Variants in ADARB1 observed in about 807,000 individuals in gnomAD.
ADARB1 encodes adenosine deaminase RNA specific B1.
In ADARB1, 10 loss-of-function variants were observed where a neutral mutation model predicts 52.4. The observed-to-expected ratio is 0.19, with a 90% CI of 0.12 to 0.32. ADARB1 has a LOEUF of 0.32. Among genes scored for constraint, ADARB1 ranks in the 10% least tolerant of loss-of-function variants. The probability of loss-of-function intolerance (pLI) is 1.00; values close to 1 mark genes in which losing one functional copy is unlikely to be tolerated. For synonymous variants in ADARB1, 349 were observed against 371.1 expected, an observed-to-expected ratio of 0.94 and a Z score of 0.68; for missense variants, 643 against 922.3, an observed-to-expected ratio of 0.70 and a Z score of 3.92.
intron 2 of ADARB1, among the ~76,000 whole-genome samples, chr21:45,129,696 A>C (rs1231488598): frequency 6.6e-6 from 1 of 151,902 alleles, no homozygotes; most frequent in African/African-American, 2.4e-5. Context: ...GAGTGTGGAC[A>C]GATGGGAGTG....
In ADARB1 at chr21:45,200,105, G is replaced by T. The variant is rs1182564905; in HGVS notation, c.1566-4450G>T. Among the ~76,000 whole-genome samples the T allele has an allele frequency of 1.2e-4, 19 of 152,236 alleles. No individual in the cohort carries two copies. In the East Asian group the frequency reaches 3.6e-3, roughly 29 times the overall value. On this transcript the variant is annotated intron_variant, in intron 8 of 10. Transcript: ENST00000348831. The surrounding 1 kb of genome is among the most constrained non-coding windows in gnomAD (Gnocchi z 5.0). ...GCAGCTGTGTCCCTGCTCTGGGAGA[G>T]TTGAGAGTGGGGAGCAGCCACCTTG...
At chr21:45,136,773 C>T (rs896273478) in intron 2 of ADARB1, among the ~76,000 whole-genome samples, 3 of 152,194 alleles carry the variant, frequency 2.0e-5, no homozygotes, top group Non-Finnish European at 4.4e-5. Flanking sequence ...GAGAATCCCG[C>T]CCCCAGCTGG....
At chr21:45,081,061 C>G (rs1025360364) in intron 1 of ADARB1, among the ~76,000 whole-genome samples, 11 of 151,058 alleles carry the variant, frequency 7.3e-5, no homozygotes, top group Admixed American at 2.0e-4. Flanking sequence ...TGTGAAGAAG[C>G]CTTCCCCAGC....
intron 1 of ADARB1, among the ~76,000 whole-genome samples, chr21:45,103,217 A>G (rs2087103257): frequency 6.6e-6 from 1 of 152,092 alleles, no homozygotes. Context: ...TCAGTTAATA[A>G]CAATGTGTTA....
chr21:45,112,996 T>C (rs2087612537), intron 1 of ADARB1, among the ~76,000 whole-genome samples: 1 of 5,320 alleles, frequency 1.9e-4, no homozygotes, highest in Admixed American at 2.4e-3. Flanking sequence ...GGCAGAATGT[T>C]TAAGAAGTAT....
intron 1 of ADARB1, among the ~76,000 whole-genome samples, chr21:45,109,253 GCGTATGTGTGTGCAC>G (rs2087411793): frequency 9.3e-6 from 1 of 107,474 alleles, no homozygotes; most frequent in Non-Finnish European, 2.0e-5. Context: ...GCGCGCGTGT[GCGTATGTGTGTGCAC>G]TGCGCGCGTG....
chr21:45,105,909 A>G (rs1399667165), intron 1 of ADARB1, among the ~76,000 whole-genome samples: 2 of 152,214 alleles, frequency 1.3e-5, no homozygotes, highest in African/African-American at 2.4e-5. Context: ...ATGTCTAGGA[A>G]TTTTGGCTGA....
intron 1 of ADARB1, among the ~76,000 whole-genome samples, chr21:45,105,112 GTTTT>G (rs869034041): frequency 1.1e-5 from 1 of 91,550 alleles, no homozygotes; most frequent in African/African-American, 4.0e-5. Context: ...GTTTTGTTTT[GTTTT>G]TTTAGATGGA....
intron 2 of ADARB1, chr21:45,133,441 C>T (rs922644021): frequency 6.4e-6 from 1 of 155,386 alleles, no homozygotes. Context: ...TCAGGCCAGG[C>T]CCACCCAGGA....
intron 8 of ADARB1, among the ~76,000 whole-genome samples, chr21:45,188,368 A>G (rs919568512): frequency 6.6e-6 from 1 of 152,150 alleles, no homozygotes; most frequent in African/African-American, 2.4e-5. Context: ...CGGCCTCCCA[A>G]AGTGCTGGGA....
chr21:45,161,439 T>C (rs763383554), intron 2 of ADARB1, among the ~76,000 whole-genome samples: 11 of 152,236 alleles, frequency 7.2e-5, no homozygotes, highest in Non-Finnish European at 1.6e-4. Flanking sequence ...GCTGGGACAC[T>C]GTCACAACCT....
intron 8 of ADARB1, among the ~76,000 whole-genome samples, chr21:45,185,429 T>G (rs2092071236): frequency 6.6e-6 from 1 of 152,230 alleles, no homozygotes; most frequent in Non-Finnish European, 1.5e-5. Flanking sequence ...CTTCTCCTCA[T>G]TAGTAGTAGA....
chr21:45,076,583 T>C (rs1320032927), intron 1 of ADARB1, among the ~76,000 whole-genome samples: 2 of 152,172 alleles, frequency 1.3e-5, no homozygotes, highest in Non-Finnish European at 2.9e-5. Context: ...GACACATGTG[T>C]CTCTGGTGTG....
chr21:45,129,271 G>A lies in ADARB1; in HGVS notation c.-48+698G>A, dbSNP rs549408399. On this transcript the variant is annotated intron_variant, in intron 2 of 10. Coordinates refer to ENST00000348831, the MANE Select transcript of ADARB1 (RefSeq NM_001112.4). ...CATTTCTTTAGTACTTATTTTTGGC[G>A]ACTATCTCATGATTCAGCGTCTGCT... is the stretch of plus-strand genomic sequence containing the variant. 2.1e-3 allele frequency among the ~76,000 whole-genome samples: 315 copies of A among 152,104 alleles called. 2 individuals are homozygous for A. Among genetic ancestry groups the A allele is most frequent in the South Asian group, 4.0e-3 (19 of 4,808 alleles).
At chr21:45,217,600 T>C (rs2092889370) in intron 9 of ADARB1, among the ~76,000 whole-genome samples, 2 of 152,190 alleles carry the variant, frequency 1.3e-5, no homozygotes, top group African/African-American at 4.8e-5. Flanking sequence ...GGAATTTAAA[T>C]AATAAGAAAA....
At chr21:45,190,018 C>T (rs2092236736) in intron 8 of ADARB1, among the ~76,000 whole-genome samples, 1 of 152,114 alleles carries the variant, frequency 6.6e-6, no homozygotes, top group African/African-American at 2.4e-5. Context: ...GCAATTATTT[C>T]TTCAAATAAG....
At position 45,152,551 on chromosome 21, in the gene ADARB1, G is replaced by C. The variant is rs142783764; in HGVS notation, c.-47-19059G>C. The C allele has an allele frequency of 2.6e-5, 8 of 312,418 alleles. No homozygotes were observed. The Middle Eastern group carries it at 1.8e-3, about 71-fold the overall frequency. The allele number at this position is 312,418 out of a possible 1,614,324, so 19.4% of individuals were successfully genotyped here. A position where few individuals can be genotyped will look rare whatever the true frequency, so the allele number is the denominator to read the frequency against. Reference sequence around the variant, plus strand: ...AAGTGAGTCGGTGTGCTGCTGCCCCGAGTGACTGAGGGACAGAATGAGGCT... The same window carrying C: ...AAGTGAGTCGGTGTGCTGCTGCCCCCAGTGACTGAGGGACAGAATGAGGCT... On this transcript the variant is annotated intron_variant, in intron 2 of 10. Coordinates refer to ENST00000348831, the MANE Select transcript of ADARB1 (RefSeq NM_001112.4).
At chr21:45,109,201 G>A (rs912696180) in intron 1 of ADARB1, among the ~76,000 whole-genome samples, 10 of 8,860 alleles carry the variant, frequency 1.1e-3, no homozygotes, top group African/African-American at 2.8e-3. Context: ...GTGTGCACGT[G>A]TGTTTGCGCG....
chr21:45,154,405 G>A (rs1400684373), intron 2 of ADARB1, among the ~76,000 whole-genome samples: 3 of 152,218 alleles, frequency 2.0e-5, no homozygotes, highest in African/African-American at 7.2e-5. Context: ...ATTAAGATTG[G>A]CCATCACATT....
Sources: allele counts gnomAD v4.1 joint callset (sites outside exome capture counted in the v4.1 genomes callset), GRCh38; gene constraint gnomAD v4.1.1; non-coding constraint Gnocchi (gnomAD v3.1); transcripts MANE v1.5; gene names NCBI Gene and HGNC (gene_info 2026-07-23, HGNC 2026-07-21).